PCDHGA5: variants seen among roughly 807,000 people sequenced by gnomAD.
PCDHGA5 encodes protocadherin gamma subfamily A, 5.
PCDHGA5 carries 36 observed loss-of-function variants against 56.7 expected under a neutral mutation model. The observed-to-expected ratio is 0.64, with a 90% CI of 0.49 to 0.84. PCDHGA5 has a LOEUF of 0.84. Ranked by LOEUF, PCDHGA5 falls within the 40% of genes least tolerant of loss-of-function variation. PCDHGA5 has a pLI of 0.00. For missense variants in PCDHGA5, 1,305 were observed against 1,201.5 expected (o/e 1.09, Z -1.27); for synonymous variants, 563 against 520.2 (o/e 1.08, Z -1.12).
At position 141,365,949 on chromosome 5, in the gene PCDHGA5, C is replaced by A; in HGVS notation, c.1619C>A (p.Pro540His). ...GTGACAGCCAGCGACAGTGGGAACCCTCCACTTAGCAGCAACGTGTCGCTG... is the reference window on the plus strand; with the variant it reads ...GTGACAGCCAGCGACAGTGGGAACCATCCACTTAGCAGCAACGTGTCGCTG... ...LWVTASDSGNPPLSSNVSLSL... is the reference protein window; with the variant it reads ...LWVTASDSGNHPLSSNVSLSL... The change falls in exon 1 of 4, where the codon CCT becomes CAT. Residue 540 changes from proline (P) to histidine (H), a missense_variant. By Grantham distance (77) the Pro-to-His change is moderately conservative (BLOSUM62 -2). Coordinates refer to ENST00000518069, the MANE Select transcript of PCDHGA5 (RefSeq NM_018918.3). 6.2e-7 allele frequency: 1 copy of A among 1,614,242 alleles called. No individual in the cohort carries two copies. The highest frequency in any genetic ancestry group is 8.5e-7 in the Non-Finnish European group (1 of 1,180,048).
At chr5:141,423,755 GGGGGGT>G in intron 1 of PCDHGA5, 4 of 512,470 alleles carry the variant, frequency 7.8e-6, no homozygotes, top group Non-Finnish European at 1.0e-5. Context: ...CTGTTTGGGG[GGGGGGT>G]GGGGCGGCAT....
chr5:141,487,143 C>T lies in PCDHGA5; in HGVS notation c.2422-7664C>T. Reference sequence around the variant, plus strand: ...GATAGTGGTAGTCCACCACTCTCTACCTCTGTTACTCTCTTAGTGTCCTTA... The same window carrying T: ...GATAGTGGTAGTCCACCACTCTCTATCTCTGTTACTCTCTTAGTGTCCTTA... On this transcript the variant is annotated intron_variant, in intron 1 of 3. Coordinates refer to ENST00000518069, the MANE Select transcript of PCDHGA5 (RefSeq NM_018918.3). This position sits in a 1 kb window ranked among gnomAD's most constrained non-coding sequence, Gnocchi z 5.0. 1.2e-6 allele frequency: 2 copies of T among 1,614,028 alleles called. No homozygotes were observed. Among genetic ancestry groups the T allele is most frequent in the Non-Finnish European group, 1.7e-6 (2 of 1,179,862 alleles).
In PCDHGA5 at chr5:141,432,670, G is replaced by C; in HGVS notation, c.2422-62137G>C. On this transcript the variant is annotated intron_variant, in intron 1 of 3. Transcript: ENST00000518069. The surrounding 1 kb of genome is among the most constrained non-coding windows in gnomAD (Gnocchi z 6.0). ...CGCGAGCCCTGCTGGACAGAGACGCGCTCAAGCAGAGCCTCGTAGTGGCCG... is the reference window on the plus strand; with the variant it reads ...CGCGAGCCCTGCTGGACAGAGACGCCCTCAAGCAGAGCCTCGTAGTGGCCG... 1 of 1,613,868 alleles carries C rather than the reference G, an allele frequency of 6.2e-7. No homozygotes were observed. The highest frequency in any genetic ancestry group is 8.5e-7 in the Non-Finnish European group (1 of 1,179,940).
In PCDHGA5 at chr5:141,487,472, G is replaced by A. The variant is rs2099645737; in HGVS notation, c.2422-7335G>A. The A allele has an allele frequency of 2.5e-6, 4 of 1,614,178 alleles. No individual in the cohort carries two copies. Among genetic ancestry groups the A allele is most frequent in the Non-Finnish European group, 3.4e-6 (4 of 1,180,036 alleles). Reference sequence around the variant, plus strand: ...CCCTATCAAGTTTGTTGATGTGGGAGGCCACTCTCATGGCTGTACACCCTT... The same window carrying A: ...CCCTATCAAGTTTGTTGATGTGGGAAGCCACTCTCATGGCTGTACACCCTT... On this transcript the variant is annotated intron_variant, in intron 1 of 3. Coordinates refer to ENST00000518069, the MANE Select transcript of PCDHGA5 (RefSeq NM_018918.3). This position sits in a 1 kb window ranked among gnomAD's most constrained non-coding sequence, Gnocchi z 5.0.
chr5:141,491,513 A>C lies in PCDHGA5; in HGVS notation c.2422-3294A>C, dbSNP rs1163218369. On this transcript the variant is annotated intron_variant, in intron 1 of 3. Coordinates refer to ENST00000518069, the MANE Select transcript of PCDHGA5 (RefSeq NM_018918.3). The surrounding 1 kb of genome is among the most constrained non-coding windows in gnomAD (Gnocchi z 6.9). ...CAGGTGAGCTCGGACGGCACGCTCAAGTACATGGAGGTGACGCTGCGGCCC... is the reference window on the plus strand; with the variant it reads ...CAGGTGAGCTCGGACGGCACGCTCACGTACATGGAGGTGACGCTGCGGCCC... The C allele has an allele frequency of 6.2e-7, 1 of 1,613,934 alleles. No individual in the cohort carries two copies. Among genetic ancestry groups the C allele is most frequent in the East Asian group, 2.2e-5 (1 of 44,888 alleles).
At chr5:141,376,467 A>C in intron 1 of PCDHGA5, 3 of 1,614,180 alleles carry the variant, frequency 1.9e-6, no homozygotes, top group Non-Finnish European at 2.5e-6. Flanking sequence ...CTGATAACTC[A>C]GGATTTACTT....
intron 2 of PCDHGA5, among the ~76,000 whole-genome samples, chr5:141,503,518 G>A (rs576791899): frequency 6.7e-6 from 1 of 149,524 alleles, no homozygotes; most frequent in East Asian, 2.0e-4. Flanking sequence ...AGAATCACTT[G>A]AACCTGGGAG....
In PCDHGA5 at chr5:141,364,254, G is replaced by A; in HGVS notation, c.-77G>A. On this transcript the variant is annotated 5_prime_UTR_variant, in exon 1 of 4. It removes an upstream start codon present in the reference 5' UTR. Coordinates refer to ENST00000518069, the MANE Select transcript of PCDHGA5 (RefSeq NM_018918.3). ...CACGCCCATTTTCGTCAGGGAATAT[G>A]TACCCATCGGCTTTAGATAAATAAG... The A allele has an allele frequency of 6.7e-7, 1 of 1,492,278 alleles. No homozygotes were observed. Among genetic ancestry groups the A allele is most frequent in the Non-Finnish European group, 8.9e-7 (1 of 1,118,166 alleles). 92.4% of individuals were successfully genotyped at this position (1,492,278 alleles called of 1,614,324 possible).
At position 141,473,164 on chromosome 5, in the gene PCDHGA5, G is replaced by A. The variant is rs190029663; in HGVS notation, c.2422-21643G>A. Among the ~76,000 whole-genome samples the A allele has an allele frequency of 1.6e-3, 241 of 152,250 alleles. 5 individuals carry two copies. The highest frequency in any genetic ancestry group is 2.1e-4 in the Non-Finnish European group (14 of 68,014). ...TCTTCAGATCACTAGGGCTAGGAAG[G>A]CCCACTGGTAACTTGAAGGAGTAAA... On this transcript the variant is annotated intron_variant, in intron 1 of 3. Transcript: ENST00000518069.
intron 1 of PCDHGA5, chr5:141,385,207 T>G: frequency 6.2e-7 from 1 of 1,614,226 alleles, no homozygotes; most frequent in Non-Finnish European, 8.5e-7. Flanking sequence ...TCACCTGATC[T>G]TCCCCCAGCC....
chr5:141,459,404 G>C (rs2098967432), intron 1 of PCDHGA5, among the ~76,000 whole-genome samples: 1 of 152,182 alleles, frequency 6.6e-6, no homozygotes, highest in Non-Finnish European at 1.5e-5. Flanking sequence ...GAGCAGTATT[G>C]CATTGTGTGG....
intron 1 of PCDHGA5, among the ~76,000 whole-genome samples, chr5:141,369,122 T>C (rs1766045573): frequency 6.6e-6 from 1 of 152,188 alleles, no homozygotes; most frequent in Non-Finnish European, 1.5e-5. Context: ...GTAAGACACC[T>C]GTCAGAAACA....
chr5:141,374,719 T>C, intron 1 of PCDHGA5: 3 of 1,610,224 alleles, frequency 1.9e-6, no homozygotes, highest in Non-Finnish European at 1.7e-6. Flanking sequence ...GCCTGGTCCT[T>C]ACTGCCATGG....
chr5:141,428,050 T>C (rs1222417053), intron 1 of PCDHGA5: 1 of 1,608,844 alleles, frequency 6.2e-7, no homozygotes, highest in Non-Finnish European at 8.5e-7. Flanking sequence ...GTGACCAAGG[T>C]GGTGGCGGTG....
chr5:141,485,619 G>A lies in PCDHGA5; in HGVS notation c.2422-9188G>A. On this transcript the variant is annotated intron_variant, in intron 1 of 3. Coordinates refer to ENST00000518069, the MANE Select transcript of PCDHGA5 (RefSeq NM_018918.3). This position sits in a 1 kb window ranked among gnomAD's most constrained non-coding sequence, Gnocchi z 5.7. ...GAAATTGGGGAGGCAGCTCCTCCAG[G>A]ACAGCGTTTCCCGTTGGAAAAGGCT... 3 of 1,612,234 alleles carry A rather than the reference G, an allele frequency of 1.9e-6. No homozygotes were observed. The highest frequency in any genetic ancestry group is 2.5e-6 in the Non-Finnish European group (3 of 1,178,678).
chr5:141,414,404 T>A, intron 1 of PCDHGA5: 1 of 1,613,886 alleles, frequency 6.2e-7, no homozygotes, highest in Non-Finnish European at 8.5e-7. Context: ...AGATTGGTGA[T>A]ACACAGAGCC....
At chr5:141,496,892 A>AG (rs1372616572) in intron 2 of PCDHGA5, among the ~76,000 whole-genome samples, 1 of 151,766 alleles carries the variant, frequency 6.6e-6, no homozygotes, top group Non-Finnish European at 1.5e-5. Flanking sequence ...AACACTTAAA[A>AG]AAAAAAAAAA....
intron 1 of PCDHGA5, chr5:141,366,994 T>C (rs991537979): frequency 6.5e-6 from 3 of 463,862 alleles, no homozygotes; most frequent in Non-Finnish European, 1.1e-5. Flanking sequence ...TGGTTAAATA[T>C]AATCATTTTA....
intron 1 of PCDHGA5, among the ~76,000 whole-genome samples, chr5:141,406,747 CA>C (rs889749071): frequency 1.2e-4 from 19 of 152,168 alleles, no homozygotes; most frequent in Non-Finnish European, 2.1e-4. Flanking sequence ...TGTGAAATGA[CA>C]AAACAAGGAA....
Sources: allele counts gnomAD v4.1 joint callset (sites outside exome capture counted in the v4.1 genomes callset), GRCh38; gene constraint gnomAD v4.1.1; non-coding constraint Gnocchi (gnomAD v3.1); transcripts MANE v1.5; gene names NCBI Gene and HGNC (gene_info 2026-07-23, HGNC 2026-07-21).